Variants in DLG2 observed in about 807,000 individuals in gnomAD.
DLG2 encodes the protein disks large homolog 2.
Under a neutral mutation model 132.5 loss-of-function variants are expected in DLG2, and 45 were observed. The ratio of observed to expected loss-of-function variants is 0.34; its 90% CI spans 0.27 to 0.44. The LOEUF is 0.44. DLG2 is among the 20% of genes least tolerant of loss of function. The pLI is 1.00. For missense variants in DLG2, 1,045 were observed against 1,196.9 expected, an observed-to-expected ratio of 0.87 and a Z score of 1.87; for synonymous variants, 424 against 419.6, an observed-to-expected ratio of 1.01 and a Z score of -0.13.
At chr11:84,095,892 A>G (rs766716938) in intron 10 of DLG2, among the ~76,000 whole-genome samples, 3 of 152,218 alleles carry the variant, frequency 2.0e-5, no homozygotes, top group Non-Finnish European at 4.4e-5. Context: ...GGCAATATTC[A>G]TATACACAGT....
chr11:85,018,661 T>A (rs2059769987), intron 6 of DLG2, among the ~76,000 whole-genome samples: 2 of 152,158 alleles, frequency 1.3e-5, no homozygotes, highest in Non-Finnish European at 2.9e-5. Flanking sequence ...GGAGGGACTT[T>A]AACATGAATA....
intron 6 of DLG2, among the ~76,000 whole-genome samples, chr11:84,866,936 A>T (rs2084659597): frequency 6.6e-6 from 1 of 152,218 alleles, no homozygotes; most frequent in Non-Finnish European, 1.5e-5. Context: ...AACATTTTTA[A>T]AGGCAGGGGC....
intron 5 of DLG2, among the ~76,000 whole-genome samples, chr11:85,122,865 T>C (rs1219947746): frequency 6.8e-6 from 1 of 146,700 alleles, no homozygotes; most frequent in African/African-American, 2.5e-5. Context: ...CACACACATA[T>C]ACACACATAT....
chr11:84,131,264 A>G (rs2094410531), intron 9 of DLG2, among the ~76,000 whole-genome samples: 1 of 152,004 alleles, frequency 6.6e-6, no homozygotes. Context: ...GTGAAGTGGC[A>G]AATGAGTCAG....
At chr11:84,763,181 G>A (rs1330208796) in intron 6 of DLG2, 1 of 152,170 alleles carries the variant, frequency 6.6e-6, no homozygotes, top group Admixed American at 6.5e-5. Flanking sequence ...ATAGGAGCTC[G>A]ACAGCATTTT....
At chr11:84,250,734 A>G (rs879662966) in intron 8 of DLG2, among the ~76,000 whole-genome samples, 14 of 152,174 alleles carry the variant, frequency 9.2e-5, no homozygotes, top group Admixed American at 9.2e-4. Context: ...GCTTGATCCT[A>G]TTATCTCATG....
At position 85,324,287 on chromosome 11, in the gene DLG2, G is replaced by A. The variant is rs78729657; in HGVS notation, c.41-38922C>T. ...ATGCCAGGATATTTTTTATTCCACC[G>A]CCTTGTTGACATCACACCTTCTATC... On this transcript the variant is annotated intron_variant, in intron 3 of 27. Coordinates refer to ENST00000376104, the MANE Select transcript of DLG2 (RefSeq NM_001142699.3). Among the ~76,000 whole-genome samples the A allele has an allele frequency of 9.6e-3, 1,454 of 151,970 alleles. 19 individuals carry two copies. Among genetic ancestry groups the A allele is most frequent in the African/African-American group, 0.031 (1,302 of 41,454 alleles).
At chr11:84,686,630 GTTT>G (rs60618412) in intron 6 of DLG2, among the ~76,000 whole-genome samples, 25 of 113,798 alleles carry the variant, frequency 2.2e-4, no homozygotes, top group African/African-American at 6.7e-4. Flanking sequence ...TGGCCTTGAG[GTTT>G]TTTTTTTTTT....
intron 6 of DLG2, among the ~76,000 whole-genome samples, chr11:85,042,235 T>A (rs186103757): frequency 6.6e-6 from 1 of 151,924 alleles, no homozygotes; most frequent in Non-Finnish European, 1.5e-5. Context: ...CGTTTGAGAA[T>A]TGTTGGCATA....
At chr11:83,896,982 T>C (rs754871146) in intron 15 of DLG2, among the ~76,000 whole-genome samples, 1 of 152,192 alleles carries the variant, frequency 6.6e-6, no homozygotes, top group Non-Finnish European at 1.5e-5. Flanking sequence ...AGGTTGTTTA[T>C]AAAAGTTTTC....
intron 6 of DLG2, among the ~76,000 whole-genome samples, chr11:84,844,707 A>T (rs2081247032): frequency 6.6e-6 from 1 of 152,156 alleles, no homozygotes; most frequent in Admixed American, 6.6e-5. Flanking sequence ...CAACCAAGTA[A>T]ATTAAGCAGT....
chr11:83,472,427 T>A (rs2092160682), intron 23 of DLG2, among the ~76,000 whole-genome samples: 1 of 152,164 alleles, frequency 6.6e-6, no homozygotes, highest in Non-Finnish European at 1.5e-5. Flanking sequence ...TTCACCAGTC[T>A]CGTAGCTAGT....
intron 4 of DLG2, among the ~76,000 whole-genome samples, chr11:85,251,792 C>T (rs72947975): frequency 0.075 from 11,336 of 151,788 alleles, 741 homozygotes; most frequent in African/African-American, 0.17. Flanking sequence ...CAATATCATA[C>T]AATATTTTAT....
chr11:85,556,233 T>C (rs141568214), intron 3 of DLG2, among the ~76,000 whole-genome samples: 49 of 152,012 alleles, frequency 3.2e-4, no homozygotes, highest in African/African-American at 1.1e-3. Context: ...AATCTTATTA[T>C]GTAATCTACT....
chr11:84,737,187 C>T (rs1046776014), intron 6 of DLG2, among the ~76,000 whole-genome samples: 2 of 151,714 alleles, frequency 1.3e-5, no homozygotes, highest in Non-Finnish European at 2.9e-5. Context: ...TCCTGTATTC[C>T]TGAAATAAAG....
chr11:85,526,700 CTG>C lies in DLG2; in HGVS notation c.40+71955_40+71956del, dbSNP rs148927444. 2.0e-5 allele frequency among the ~76,000 whole-genome samples: 3 copies of C among 152,196 alleles called. No homozygotes were observed. The East Asian group carries it at 5.8e-4, about 29-fold the overall frequency. On this transcript the variant is annotated intron_variant, in intron 3 of 27. Coordinates refer to ENST00000376104, the MANE Select transcript of DLG2 (RefSeq NM_001142699.3). ...TAGTAAATAGTTTTTCTGGATGTGTCTGTGAGGATGTTTCTGGAAGAGATTAG... is the reference window on the plus strand; with the variant it reads ...TAGTAAATAGTTTTTCTGGATGTGTCTGAGGATGTTTCTGGAAGAGATTAG...
chr11:83,504,516 C>T (rs2094596102), intron 21 of DLG2, among the ~76,000 whole-genome samples: 1 of 152,192 alleles, frequency 6.6e-6, no homozygotes, highest in Admixed American at 6.5e-5. Context: ...CCTTTTTAGC[C>T]TGCTGACTTA....
chr11:84,050,897 A>G (rs1340724240), intron 11 of DLG2, among the ~76,000 whole-genome samples: 1 of 151,918 alleles, frequency 6.6e-6, no homozygotes, highest in African/African-American at 2.4e-5. Context: ...TGGTACCAGT[A>G]CCATGCTGTT....
chr11:84,593,981 T>C (rs548743952), intron 6 of DLG2, among the ~76,000 whole-genome samples: 1 of 152,198 alleles, frequency 6.6e-6, no homozygotes, highest in South Asian at 2.1e-4. Flanking sequence ...ACTTTTCCCA[T>C]CTAACACCTA....
Sources: gnomAD v4.1 joint callset for allele counts (sites outside exome capture counted in the v4.1 genomes callset) on GRCh38, gnomAD v4.1.1 for gene constraint, MANE v1.5 for transcripts, NCBI Gene and HGNC (gene_info 2026-07-23, HGNC 2026-07-21) for gene names.